RABGAP1L: variants seen among roughly 807,000 people sequenced by gnomAD.
RABGAP1L encodes RAB GTPase activating protein 1 like, also known as rab GTPase-activating protein 1-like.
Under a neutral mutation model 137.7 loss-of-function variants are expected in RABGAP1L, and 63 were observed. That is an observed-to-expected ratio of 0.46 (90% CI 0.37 to 0.56). RABGAP1L has a LOEUF of 0.56. Ranked by LOEUF, RABGAP1L falls within the 20% of genes least tolerant of loss-of-function variation. RABGAP1L has a pLI of 0.00. For synonymous variants in RABGAP1L, 431 were observed against 433.7 expected (o/e 0.99, Z 0.08); for missense variants, 1,095 against 1,244.0 (o/e 0.88, Z 1.80).
chr1:174,659,288 G>C (rs558983399), intron 14 of RABGAP1L, among the ~76,000 whole-genome samples: 2 of 149,202 alleles, frequency 1.3e-5, no homozygotes, highest in South Asian at 2.1e-4. Context: ...TGCTGTTACT[G>C]ATTCCTCTCT....
At chr1:174,498,215 A>G (rs1329996828) in intron 13 of RABGAP1L, among the ~76,000 whole-genome samples, 1 of 152,204 alleles carries the variant, frequency 6.6e-6, no homozygotes, top group Non-Finnish European at 1.5e-5. Context: ...AGAGTGAAGT[A>G]ATATATGAAT....
chr1:174,694,253 G>A (rs905647363), intron 15 of RABGAP1L, among the ~76,000 whole-genome samples: 4 of 151,394 alleles, frequency 2.6e-5, no homozygotes. Flanking sequence ...CAATGTGCAG[G>A]TTAGTTACAT....
At chr1:174,166,784 TA>T (rs1664947150) in intron 1 of RABGAP1L, among the ~76,000 whole-genome samples, 1 of 152,316 alleles carries the variant, frequency 6.6e-6, no homozygotes, top group East Asian at 1.9e-4. Context: ...TCTGTAAAGG[TA>T]AAAGCCTTCT....
intron 12 of RABGAP1L, among the ~76,000 whole-genome samples, chr1:174,384,228 A>G (rs140430468): frequency 2.0e-5 from 3 of 152,332 alleles, no homozygotes; most frequent in East Asian, 1.9e-4. Flanking sequence ...AGTCAAAACT[A>G]TCATCATAGG....
chr1:174,784,220 C>T (rs532437583), intron 18 of RABGAP1L, among the ~76,000 whole-genome samples: 9 of 151,872 alleles, frequency 5.9e-5, no homozygotes, highest in East Asian at 1.9e-4. Context: ...GGAGTTTCAC[C>T]GTGTTAGCCA....
At chr1:174,261,046 A>G (rs1332278601) in intron 7 of RABGAP1L, among the ~76,000 whole-genome samples, 1 of 152,026 alleles carries the variant, frequency 6.6e-6, no homozygotes, top group East Asian at 1.9e-4. Flanking sequence ...GCCTTGGGGA[A>G]GGGTAATCAG....
chr1:174,906,657 G>A (rs896561900), intron 19 of RABGAP1L, among the ~76,000 whole-genome samples: 30 of 151,638 alleles, frequency 2.0e-4, no homozygotes, highest in African/African-American at 6.8e-4. Flanking sequence ...AATAATAATA[G>A]TAATAGAAAA....
intron 13 of RABGAP1L, among the ~76,000 whole-genome samples, chr1:174,408,150 G>T (rs577917902): frequency 6.6e-6 from 1 of 152,200 alleles, no homozygotes; most frequent in Admixed American, 6.6e-5. Context: ...GAAGTTTTGG[G>T]TGTGAATGAT....
At chr1:174,840,103 G>A (rs1693217773) in intron 19 of RABGAP1L, among the ~76,000 whole-genome samples, 2 of 152,186 alleles carry the variant, frequency 1.3e-5, no homozygotes, top group African/African-American at 4.8e-5. Context: ...CTGTTATCTA[G>A]AACATCAGAA....
chr1:174,243,873 A>G (rs914168847), intron 5 of RABGAP1L, among the ~76,000 whole-genome samples: 1 of 152,232 alleles, frequency 6.6e-6, no homozygotes, highest in Non-Finnish European at 1.5e-5. Context: ...TTGAAGAGCC[A>G]TACAGTTTTC....
chr1:174,805,986 A>G (rs932834192), intron 18 of RABGAP1L, among the ~76,000 whole-genome samples: 23 of 152,300 alleles, frequency 1.5e-4, no homozygotes, highest in African/African-American at 4.8e-4. Context: ...ATTGTTCTGA[A>G]AGCAATATAG....
intron 13 of RABGAP1L, among the ~76,000 whole-genome samples, chr1:174,627,280 AGTT>A (rs1314150388): frequency 6.6e-6 from 1 of 152,214 alleles, no homozygotes; most frequent in Non-Finnish European, 1.5e-5. Flanking sequence ...ATACCTTTCT[AGTT>A]GTTGACAGCC....
In RABGAP1L at chr1:174,874,588, T is replaced by G. The variant is rs890743451; in HGVS notation, c.2340+62628T>G. 718 of 740,364 alleles carry G rather than the reference T, an allele frequency of 9.7e-4. 10 individuals carry two copies. In the African/African-American group the frequency reaches 0.01, roughly 11 times the overall value. The allele number at this position is 740,364 out of a possible 1,614,324, so 45.9% of individuals were successfully genotyped here. On this transcript the variant is annotated intron_variant, in intron 19 of 25. Transcript: ENST00000681986. ...TCTCCACACCACTGCCTTTTTTTTT[T>G]TTTTTTTTTTTTTTTCCAATGCAGT... is the stretch of plus-strand genomic sequence containing the variant.
chr1:174,544,342 C>T (rs955710316), intron 13 of RABGAP1L, among the ~76,000 whole-genome samples: 24 of 152,202 alleles, frequency 1.6e-4, no homozygotes, highest in African/African-American at 4.6e-4. Context: ...TCATTTCATT[C>T]ATTTGATCTT....
intron 17 of RABGAP1L, among the ~76,000 whole-genome samples, chr1:174,717,115 CAT>C (rs1681083509): frequency 1.3e-5 from 2 of 152,134 alleles, no homozygotes; most frequent in South Asian, 2.1e-4. Context: ...TTAATATTAA[CAT>C]ATGAATTTTA....
chr1:174,252,959 T>A (rs1672833326), intron 7 of RABGAP1L, among the ~76,000 whole-genome samples: 1 of 152,160 alleles, frequency 6.6e-6, no homozygotes, highest in Non-Finnish European at 1.5e-5. Flanking sequence ...TACATATTTT[T>A]AAAATATATA....
intron 19 of RABGAP1L, among the ~76,000 whole-genome samples, chr1:174,906,902 A>C (rs879797553): frequency 1.5e-5 from 1 of 66,978 alleles, no homozygotes; most frequent in East Asian, 2.2e-4. Flanking sequence ...TGCTCAAAGA[A>C]AAAAAAAAAC....
At chr1:174,519,483 C>G (rs1321855212) in intron 13 of RABGAP1L, among the ~76,000 whole-genome samples, 2 of 152,060 alleles carry the variant, frequency 1.3e-5, no homozygotes, top group African/African-American at 4.8e-5. Flanking sequence ...TAGATTGTGC[C>G]CACCAGATTA....
rs182463738 is a variant in RABGAP1L at position 174,324,894 on chromosome 1, T to C, written c.1465+19767T>C. Among the ~76,000 whole-genome samples the C allele has an allele frequency of 8.5e-5, 13 of 152,306 alleles. No individual in the cohort carries two copies. The East Asian group carries it at 2.5e-3, about 29-fold the overall frequency. Reference sequence around the variant, plus strand: ...TAGTTTGGGGGGATTATGGAACCTCTACAAGGGTGATTTTAATAAAACTGG... The same window carrying C: ...TAGTTTGGGGGGATTATGGAACCTCCACAAGGGTGATTTTAATAAAACTGG... On this transcript the variant is annotated intron_variant, in intron 11 of 25. Transcript: ENST00000681986.
Sources: allele counts gnomAD v4.1 joint callset (sites outside exome capture counted in the v4.1 genomes callset), GRCh38; gene constraint gnomAD v4.1.1; transcripts MANE v1.5; gene names NCBI Gene and HGNC (gene_info 2026-07-23, HGNC 2026-07-21).